HSD11B1: variants seen among roughly 807,000 people sequenced by gnomAD.
HSD11B1 encodes the protein 11-beta-hydroxysteroid dehydrogenase 1.
A neutral mutation model predicts 22.1 loss-of-function variants in HSD11B1; 15 were observed. The observed-to-expected ratio is 0.68, with a 90% CI of 0.45 to 1.04. HSD11B1 has a LOEUF of 1.04. HSD11B1 is among the 50% of genes least tolerant of loss of function. The pLI, the probability that HSD11B1 is intolerant of heterozygous loss-of-function variation, is 0.00. For missense variants in HSD11B1, 281 were observed against 357.6 expected (o/e 0.79, Z 1.73); for synonymous variants, 122 against 125.2 (o/e 0.97, Z 0.17).
chr1:209,708,728 A>G (rs561169467), intron 4 of HSD11B1, among the ~76,000 whole-genome samples: 1 of 152,386 alleles, frequency 6.6e-6, no homozygotes, highest in South Asian at 2.1e-4. Flanking sequence ...GACGAATGTA[A>G]CTTTCTAGAA....
At chr1:209,701,142 C>T (rs1353801890), upstream of HSD11B1, among the ~76,000 whole-genome samples, 1 of 152,180 alleles carries the variant, frequency 6.6e-6, no homozygotes, top group Non-Finnish European at 1.5e-5. Flanking sequence ...GCCCACTCTA[C>T]TCGTACCAAT....
At chr1:209,698,167 T>TTAGATAGATAGA (rs3059689) in intron 1 of HSD11B1, among the ~76,000 whole-genome samples, 84 of 146,700 alleles carry the variant, frequency 5.7e-4, no homozygotes, top group East Asian at 1.4e-3. Flanking sequence ...GATAGATAGA[T>TTAGATAGATAGA]TAGATAGATA....
At chr1:209,707,253 C>T in intron 4 of HSD11B1, 125 bp downstream of exon 4, 1 of 826,012 alleles carries the variant, frequency 1.2e-6, no homozygotes, top group South Asian at 1.5e-5. Context: ...AGGGATTGGT[C>T]AAGGTAAGTG....
At chr1:209,712,023 T>A (rs2076900983) in intron 4 of HSD11B1, among the ~76,000 whole-genome samples, 1 of 152,240 alleles carries the variant, frequency 6.6e-6, no homozygotes, top group African/African-American at 2.4e-5. Context: ...ACCACAGGTT[T>A]CATTCAAGTG....
chr1:209,688,176 A>G (rs772363559), intron 1 of HSD11B1, among the ~76,000 whole-genome samples: 13 of 152,084 alleles, frequency 8.5e-5, no homozygotes, highest in Non-Finnish European at 1.8e-4. Flanking sequence ...CATTCAGGCT[A>G]CCTGAGTTGC....
At chr1:209,726,405 C>T (rs2077002139) in intron 4 of HSD11B1, among the ~76,000 whole-genome samples, 1 of 151,412 alleles carries the variant, frequency 6.6e-6, no homozygotes, top group African/African-American at 2.4e-5. Flanking sequence ...GGATTTTAGG[C>T]CAGCCTGTGC....
At chr1:209,723,248 C>T (rs1380911712) in intron 4 of HSD11B1, among the ~76,000 whole-genome samples, 1 of 152,140 alleles carries the variant, frequency 6.6e-6, no homozygotes, top group Non-Finnish European at 1.5e-5. Context: ...CCCACATAAG[C>T]CAAAACTTAA....
chr1:209,691,088 A>G (rs895233052), intron 1 of HSD11B1, among the ~76,000 whole-genome samples: 2 of 152,208 alleles, frequency 1.3e-5, no homozygotes, highest in South Asian at 4.1e-4. Context: ...AATAGTTCAC[A>G]AACCAAGGGT....
At chr1:209,714,733 C>T (rs1046572601) in intron 4 of HSD11B1, among the ~76,000 whole-genome samples, 1 of 152,156 alleles carries the variant, frequency 6.6e-6, no homozygotes, top group Admixed American at 6.5e-5. Context: ...CTAAAAGCCA[C>T]TCATAGAGGC....
At chr1:209,704,013 A>G (rs540475791), upstream of HSD11B1, among the ~76,000 whole-genome samples, 33 of 152,198 alleles carry the variant, frequency 2.2e-4, no homozygotes, top group Non-Finnish European at 4.0e-4. Flanking sequence ...TACTGTTACT[A>G]GATCTATTTT....
intron 4 of HSD11B1, among the ~76,000 whole-genome samples, chr1:209,720,302 T>C (rs2076957431): frequency 6.6e-6 from 1 of 152,134 alleles, no homozygotes; most frequent in South Asian, 2.1e-4. Flanking sequence ...GAACAAAAGT[T>C]ACTTTTGTGA....
intron 4 of HSD11B1, among the ~76,000 whole-genome samples, chr1:209,716,373 G>A (rs960071152): frequency 1.3e-5 from 2 of 150,610 alleles, no homozygotes; most frequent in Non-Finnish European, 3.0e-5. Context: ...AACCGAGGAG[G>A]TGAAAGACCT....
Position 209,690,011 on chromosome 1 carries a change from T to C in HSD11B1, c.-49+3726T>C, listed in dbSNP as rs183048584. ...TCATGAATTATGATCAAGAAGCCAA[T>C]TTTTGGCTGAAAATAAACTTTCCTT... On this transcript the variant is annotated intron_variant, in intron 1 of 6. Coordinates refer to the HSD11B1 transcript ENST00000261465. Among the ~76,000 whole-genome samples the C allele has an allele frequency of 1.7e-3, 261 of 152,296 alleles. 3 individuals carry two copies. Among genetic ancestry groups the C allele is most frequent in the African/African-American group, 6.1e-3 (252 of 41,570 alleles).
intron 4 of HSD11B1, among the ~76,000 whole-genome samples, chr1:209,717,271 T>G (rs143066154): frequency 6.6e-6 from 1 of 152,132 alleles, no homozygotes; most frequent in South Asian, 2.1e-4. Flanking sequence ...AAAAAAGACA[T>G]AGAACATATA....
intron 4 of HSD11B1, among the ~76,000 whole-genome samples, chr1:209,710,452 G>A (rs984591670): frequency 6.6e-6 from 1 of 152,086 alleles, no homozygotes. Context: ...CTCCTATGAA[G>A]TCTTTTTCAG....
chr1:209,688,288 C>T (rs1487474744), intron 1 of HSD11B1, among the ~76,000 whole-genome samples: 2 of 152,144 alleles, frequency 1.3e-5, no homozygotes, highest in Non-Finnish European at 2.9e-5. Flanking sequence ...ACTTAGCCTT[C>T]AAAACTGAGC....
chr1:209,690,349 G>C (rs959217087), intron 1 of HSD11B1, among the ~76,000 whole-genome samples: 1 of 152,038 alleles, frequency 6.6e-6, no homozygotes. Context: ...CAATTTTTAA[G>C]TATGGAGAAG....
At chr1:209,700,227 G>T (rs370296789), upstream of HSD11B1, among the ~76,000 whole-genome samples, 81 of 152,334 alleles carry the variant, frequency 5.3e-4, no homozygotes, top group African/African-American at 1.5e-3. Flanking sequence ...CTCCATGAGG[G>T]CCCTGCCCTG....
intron 5 of HSD11B1, 65 bp from the exon 6 acceptor site, chr1:209,734,239 C>T (rs2077053236): frequency 7.6e-7 from 1 of 1,318,888 alleles, no homozygotes; most frequent in Admixed American, 1.9e-5. Flanking sequence ...GTTGATGTCT[C>T]CAGGCCTTCC....
Sources: gnomAD v4.1 joint callset for allele counts (sites outside exome capture counted in the v4.1 genomes callset) on GRCh38, gnomAD v4.1.1 for gene constraint, MANE v1.5 for transcripts, NCBI Gene and HGNC (gene_info 2026-07-23, HGNC 2026-07-21) for gene names.